Variants in TTC28 observed in about 807,000 individuals in gnomAD.
TTC28 encodes the protein tetratricopeptide repeat domain 28, also known as tetratricopeptide repeat protein 28.
A neutral mutation model predicts 198.0 loss-of-function variants in TTC28; 61 were observed. That is an observed-to-expected ratio of 0.31 (90% CI 0.25 to 0.38). The LOEUF (loss-of-function observed/expected upper bound fraction) is 0.38. Among genes scored for constraint, TTC28 ranks in the 10% least tolerant of loss-of-function variants. The pLI, the probability that TTC28 is intolerant of heterozygous loss-of-function variation, is 1.00. For synonymous variants in TTC28, 1,171 were observed against 1,297.8 expected, an observed-to-expected ratio of 0.90 and a Z score of 2.10; for missense variants, 2,678 against 3,164.0, an observed-to-expected ratio of 0.85 and a Z score of 3.69.
chr22:28,166,384 C>T (rs140314815), intron 5 of TTC28, among the ~76,000 whole-genome samples: 8,217 of 152,246 alleles, frequency 0.054, 279 homozygotes, highest in African/African-American at 0.07. Context: ...CTTCTCAGCA[C>T]CACACCACAC....
intron 1 of TTC28, among the ~76,000 whole-genome samples, chr22:28,634,590 T>TC (rs1198610433): frequency 2.6e-5 from 4 of 151,024 alleles, no homozygotes; most frequent in Non-Finnish European, 3.0e-5. Context: ...TTTCTTTTTT[T>TC]TCTTTTTTTT....
At chr22:28,571,977 A>C (rs982311783) in intron 2 of TTC28, among the ~76,000 whole-genome samples, 5 of 151,810 alleles carry the variant, frequency 3.3e-5, no homozygotes, top group East Asian at 3.9e-4. Context: ...AACAAACAAA[A>C]AAAAAACCGA....
At chr22:28,556,784 C>G (rs1361586724) in intron 2 of TTC28, among the ~76,000 whole-genome samples, 1 of 152,180 alleles carries the variant, frequency 6.6e-6, no homozygotes, top group Non-Finnish European at 1.5e-5. Flanking sequence ...CTGGCCAGGG[C>G]AGAAGGATAC....
At chr22:28,125,612 T>C (rs1942895784) in intron 6 of TTC28, among the ~76,000 whole-genome samples, 2 of 152,216 alleles carry the variant, frequency 1.3e-5, no homozygotes, top group Non-Finnish European at 2.9e-5. Flanking sequence ...AGATCAATAC[T>C]GTGTAGGCTA....
chr22:28,141,490 CA>C (rs1042210515), intron 6 of TTC28, among the ~76,000 whole-genome samples: 12 of 151,998 alleles, frequency 7.9e-5, no homozygotes, highest in African/African-American at 2.9e-4. Flanking sequence ...TGAAAGGGAA[CA>C]GTAAGAAAGC....
intron 2 of TTC28, among the ~76,000 whole-genome samples, chr22:28,508,834 T>C (rs1015596209): frequency 4.0e-5 from 6 of 151,768 alleles, no homozygotes; most frequent in Non-Finnish European, 8.8e-5. Flanking sequence ...GACGGAAAAT[T>C]AACAAAAATA....
chr22:28,520,037 T>C (rs1420041071), intron 2 of TTC28, among the ~76,000 whole-genome samples: 3 of 152,168 alleles, frequency 2.0e-5, no homozygotes, highest in African/African-American at 7.2e-5. Flanking sequence ...TAATATTTCA[T>C]AGTAGGCAAT....
chr22:28,331,397 G>C (rs916309151), intron 2 of TTC28, among the ~76,000 whole-genome samples: 1 of 152,018 alleles, frequency 6.6e-6, no homozygotes, highest in African/African-American at 2.4e-5. Context: ...AAAGATTCTG[G>C]AGTACAGAAA....
intron 2 of TTC28, among the ~76,000 whole-genome samples, chr22:28,430,036 A>ATTT (rs919396993): frequency 8.5e-4 from 94 of 109,972 alleles, no homozygotes; most frequent in South Asian, 1.4e-3. Context: ...CTGGAATATG[A>ATTT]TTTTTTTTTT....
In TTC28 at chr22:27,999,155, C is replaced by T. The variant is rs1367880507; in HGVS notation, c.4504G>A (p.Gly1502Arg). 9 of 1,550,564 alleles carry T rather than the reference C, an allele frequency of 5.8e-6. No homozygotes were observed. In the Admixed American group the frequency reaches 1.6e-4, roughly 27 times the overall value. Residue 1502 changes from glycine (G) to arginine (R), a missense_variant, in exon 16 of 23, where the codon GGG becomes AGG. Physicochemically the swap from Gly to Arg is moderately radical, Grantham distance 125. Transcript: ENST00000397906. ...PSAVMDRWLW[G>R]PMPSAEEEAY... ...TCTTCCTCGGCCGATGGCATGGGCC[C>T]CCACAGCCACCTGTCCATCACGGCC...
At chr22:28,188,762 T>C (rs1924444565) in intron 5 of TTC28, among the ~76,000 whole-genome samples, 1 of 152,152 alleles carries the variant, frequency 6.6e-6, no homozygotes, top group African/African-American at 2.4e-5. Flanking sequence ...TGGAAGCCCC[T>C]GTGGAAATTG....
chr22:28,406,073 A>C (rs1848336354), intron 2 of TTC28, among the ~76,000 whole-genome samples: 1 of 152,220 alleles, frequency 6.6e-6, no homozygotes, highest in Non-Finnish European at 1.5e-5. Context: ...TCCTGCGCTA[A>C]GCCCCAATTT....
At chr22:28,026,541 A>G (rs956428894) in intron 13 of TTC28, among the ~76,000 whole-genome samples, 2 of 152,158 alleles carry the variant, frequency 1.3e-5, no homozygotes, top group Admixed American at 6.5e-5. Flanking sequence ...CCCATGTAGC[A>G]GGACCCCAGT....
At position 27,992,570 on chromosome 22, in the gene TTC28, C is replaced by T; in HGVS notation, c.5553+17G>A. On this transcript the variant is annotated intron_variant, in intron 19 of 22. Transcript: ENST00000397906. ...ATGGGCCTCAGGCCCTGGCTCAGCC[C>T]TCCAGGCTCGACTTACCCGGCTGAT... 2 of 1,551,040 alleles carry T rather than the reference C, an allele frequency of 1.3e-6. No individual in the cohort carries two copies. The highest frequency in any genetic ancestry group is 2.4e-5 in the East Asian group (1 of 40,906).
chr22:28,606,956 T>C (rs1041814542), intron 2 of TTC28, among the ~76,000 whole-genome samples: 1 of 152,154 alleles, frequency 6.6e-6, no homozygotes, highest in Non-Finnish European at 1.5e-5. Context: ...TATTTTAAGC[T>C]GAAGTAATTT....
At chr22:28,529,261 C>A (rs1292117233) in intron 2 of TTC28, among the ~76,000 whole-genome samples, 1 of 151,640 alleles carries the variant, frequency 6.6e-6, no homozygotes, top group Non-Finnish European at 1.5e-5. Context: ...CAGATTATAT[C>A]CCATGCATGA....
intron 2 of TTC28, among the ~76,000 whole-genome samples, chr22:28,408,492 G>A (rs562628108): frequency 6.6e-6 from 1 of 152,252 alleles, no homozygotes; most frequent in Admixed American, 6.5e-5. Context: ...GCAGGTTCAA[G>A]CAATTCTCCT....
intron 5 of TTC28, among the ~76,000 whole-genome samples, chr22:28,210,308 G>T (rs1569200012): frequency 6.6e-6 from 1 of 152,190 alleles, no homozygotes; most frequent in African/African-American, 2.4e-5. Flanking sequence ...CAAATAGACA[G>T]AAGTAGGCTT....
Position 28,203,654 on chromosome 22 carries a change from C to T in TTC28, c.934-40055G>A, listed in dbSNP as rs187392527. ...TATATCCCTGTGATCAGGAGTCTAACGTGCAGAAGATTTTTTAAAGCTTAA... is the reference window on the plus strand; with the variant it reads ...TATATCCCTGTGATCAGGAGTCTAATGTGCAGAAGATTTTTTAAAGCTTAA... On this transcript the variant is annotated intron_variant, in intron 5 of 22. Coordinates refer to ENST00000397906, the MANE Select transcript of TTC28 (RefSeq NM_001145418.2). 1.5e-3 allele frequency among the ~76,000 whole-genome samples: 225 copies of T among 152,222 alleles called. 1 individual carries two copies. The highest frequency in any genetic ancestry group is 4.5e-3 in the African/African-American group (187 of 41,558).
Sources: gnomAD v4.1 joint callset for allele counts (sites outside exome capture counted in the v4.1 genomes callset) on GRCh38, gnomAD v4.1.1 for gene constraint, MANE v1.5 for transcripts, NCBI Gene and HGNC (gene_info 2026-07-23, HGNC 2026-07-21) for gene names.